Variants in EDIL3 observed in about 807,000 individuals in gnomAD.
EDIL3 encodes EGF like and discoidin domains 3, also known as EGF-like repeat and discoidin I-like domain-containing protein 3.
Under a neutral mutation model 67.4 loss-of-function variants are expected in EDIL3, and 37 were observed. That is an observed-to-expected ratio of 0.55 (90% CI 0.42 to 0.72). The LOEUF is 0.72. Among genes scored for constraint, EDIL3 ranks in the 30% least tolerant of loss-of-function variants. The pLI is 0.00. For missense variants in EDIL3, 527 were observed against 586.3 expected (o/e 0.90, Z 1.04); for synonymous variants, 195 against 196.3 (o/e 0.99, Z 0.05).
chr5:84,147,516 T>C lies in EDIL3; in HGVS notation c.356-10162A>G, dbSNP rs112242717. Among the ~76,000 whole-genome samples, 1,089 of 152,124 alleles carry C rather than the reference T, an allele frequency of 7.2e-3. 16 individuals are homozygous for C. The highest frequency in any genetic ancestry group is 0.038 in the East Asian group (195 of 5,158). Reference sequence around the variant, plus strand: ...GTGGTTATGCCAATTTGCACTCTTATCACCAATTAATACCACTTTTGAAGA... The same window carrying C: ...GTGGTTATGCCAATTTGCACTCTTACCACCAATTAATACCACTTTTGAAGA... On this transcript the variant is annotated intron_variant, in intron 4 of 10. Coordinates refer to ENST00000296591, the MANE Select transcript of EDIL3 (RefSeq NM_005711.5).
chr5:83,968,902 A>C (rs1028667312), intron 9 of EDIL3, among the ~76,000 whole-genome samples: 11 of 151,846 alleles, frequency 7.2e-5, no homozygotes, highest in African/African-American at 2.7e-4. Flanking sequence ...CTTTTTCATT[A>C]TGAATAAGAT....
At chr5:84,060,190 G>A in intron 9 of EDIL3, 110 bp downstream of exon 9, 1 of 1,277,928 alleles carries the variant, frequency 7.8e-7, no homozygotes, top group Non-Finnish European at 1.1e-6. Context: ...CGAAGATGAA[G>A]GCACATTTAA....
chr5:84,117,326 G>A (rs1025380398), intron 5 of EDIL3, among the ~76,000 whole-genome samples: 6 of 151,852 alleles, frequency 4.0e-5, no homozygotes, highest in African/African-American at 1.2e-4. Flanking sequence ...CACCGCGCCC[G>A]GCCAAGTACT....
chr5:84,139,244 A>C (rs1748146755), intron 4 of EDIL3, among the ~76,000 whole-genome samples: 1 of 151,628 alleles, frequency 6.6e-6, no homozygotes, highest in African/African-American at 2.4e-5. Context: ...CTCGGGGGAA[A>C]AAAAGTATGA....
chr5:84,169,388 G>A (rs1278542962), intron 4 of EDIL3, among the ~76,000 whole-genome samples: 1 of 151,908 alleles, frequency 6.6e-6, no homozygotes, highest in Non-Finnish European at 1.5e-5. Flanking sequence ...ATCTTATTCA[G>A]ATTTCTCCAG....
chr5:83,993,448 C>A (rs1185741279), intron 9 of EDIL3, among the ~76,000 whole-genome samples: 7 of 152,154 alleles, frequency 4.6e-5, no homozygotes, highest in Non-Finnish European at 8.8e-5. Flanking sequence ...CTTAAAAAAT[C>A]AAAGTATTTG....
At chr5:84,057,464 C>T (rs1252004279) in intron 9 of EDIL3, among the ~76,000 whole-genome samples, 1 of 151,984 alleles carries the variant, frequency 6.6e-6, no homozygotes, top group East Asian at 1.9e-4. Flanking sequence ...CGATACGCAG[C>T]CAATCTGATA....
chr5:84,249,610 GATTTT>G (rs1472936962), intron 2 of EDIL3, among the ~76,000 whole-genome samples: 2 of 151,970 alleles, frequency 1.3e-5, no homozygotes, highest in Non-Finnish European at 2.9e-5. Flanking sequence ...TGAAAACTAA[GATTTT>G]ATTTGTTTAA....
At chr5:84,081,198 G>A (rs1404991595) in intron 6 of EDIL3, among the ~76,000 whole-genome samples, 1 of 152,054 alleles carries the variant, frequency 6.6e-6, no homozygotes, top group African/African-American at 2.4e-5. Context: ...GTTTCTGAAG[G>A]GCTTCCACTA....
intron 1 of EDIL3, among the ~76,000 whole-genome samples, chr5:84,303,304 G>C (rs1257315031): frequency 2.0e-5 from 3 of 152,090 alleles, no homozygotes; most frequent in African/African-American, 4.8e-5. Flanking sequence ...CATCCCACTT[G>C]AGGGTAAAAC....
intron 1 of EDIL3, among the ~76,000 whole-genome samples, chr5:84,326,384 G>C (rs1372227003): frequency 6.6e-6 from 1 of 151,942 alleles, no homozygotes; most frequent in Non-Finnish European, 1.5e-5. Flanking sequence ...GAGCTGACGG[G>C]AGAAGGGAAA....
chr5:84,160,806 TTTCC>T (rs1748597119), intron 4 of EDIL3, among the ~76,000 whole-genome samples: 4 of 128,522 alleles, frequency 3.1e-5, no homozygotes, highest in African/African-American at 1.0e-4. Flanking sequence ...TTTCCTTTCC[TTTCC>T]TTTCCTTTCC....
rs34340201 is a variant in EDIL3, at chr5:84,213,191, GT to G, written c.226+16663del. Among the ~76,000 whole-genome samples the G allele has an allele frequency of 8.8e-3, 1,312 of 149,112 alleles. 21 individuals are homozygous for G. The highest frequency in any genetic ancestry group is 0.028 in the African/African-American group (1,130 of 40,676). ...TTAACATTGATCAGTATTTTCAGTG[GT>G]TTTTTTTTTTTGACGATCTTATAAA... On this transcript the variant is annotated intron_variant, in intron 3 of 10. Transcript: ENST00000296591.
At chr5:84,214,142 C>G (rs572937553) in intron 3 of EDIL3, among the ~76,000 whole-genome samples, 1 of 152,306 alleles carries the variant, frequency 6.6e-6, no homozygotes, top group East Asian at 1.9e-4. Flanking sequence ...CTAACAATGG[C>G]TAAATCATTG....
At chr5:84,219,327 A>C (rs1263922879) in intron 3 of EDIL3, among the ~76,000 whole-genome samples, 1 of 152,246 alleles carries the variant, frequency 6.6e-6, no homozygotes, top group Admixed American at 6.5e-5. Context: ...TCAGTGAAGA[A>C]ATTAAGAAGG....
intron 6 of EDIL3, among the ~76,000 whole-genome samples, chr5:84,094,528 A>G (rs1356117854): frequency 1.3e-5 from 2 of 152,118 alleles, no homozygotes; most frequent in African/African-American, 4.8e-5. Flanking sequence ...AAAAAAATCT[A>G]CTTCTTAAAT....
chr5:84,366,038 T>C, intron 1 of EDIL3, among the ~76,000 whole-genome samples: 1 of 152,118 alleles, frequency 6.6e-6, no homozygotes, highest in East Asian at 1.9e-4. Flanking sequence ...AAAATCTTTC[T>C]CTTAACCAAT....
chr5:84,045,022 T>TA (rs1449130815), intron 9 of EDIL3, among the ~76,000 whole-genome samples: 5 of 152,128 alleles, frequency 3.3e-5, no homozygotes, highest in African/African-American at 1.2e-4. Context: ...TCCACATGGC[T>TA]AAGGAGACCT....
At chr5:83,993,762 T>C (rs1484583480) in intron 9 of EDIL3, among the ~76,000 whole-genome samples, 1 of 152,148 alleles carries the variant, frequency 6.6e-6, no homozygotes, top group Non-Finnish European at 1.5e-5. Flanking sequence ...TGTAAAATAG[T>C]GAGAGCTGAC....
Sources: allele counts gnomAD v4.1 joint callset (sites outside exome capture counted in the v4.1 genomes callset), GRCh38; gene constraint gnomAD v4.1.1; transcripts MANE v1.5; gene names NCBI Gene and HGNC (gene_info 2026-07-23, HGNC 2026-07-21).